KIFC3: variants seen among roughly 807,000 people sequenced by gnomAD.
KIFC3 encodes the protein kinesin-like protein KIFC3.
A neutral mutation model predicts 101.8 loss-of-function variants in KIFC3; 60 were observed. The observed-to-expected ratio is 0.59, with a 90% CI of 0.48 to 0.73. The LOEUF (loss-of-function observed/expected upper bound fraction) is 0.73. Among genes scored for constraint, KIFC3 ranks in the 30% least tolerant of loss-of-function variants. The pLI is 0.00. For missense variants in KIFC3, 966 were observed against 1,137.1 expected (o/e 0.85, Z 2.16); for synonymous variants, 476 against 482.7 (o/e 0.99, Z 0.18).
rs2049749979 is a variant in KIFC3 at position 57,760,757 on chromosome 16, C to T, written c.2201G>A (p.Ser734Asn). 1 of 1,613,758 alleles carries T rather than the reference C, an allele frequency of 6.2e-7. No homozygotes were observed. The highest frequency in any genetic ancestry group is 1.3e-5 in the African/African-American group (1 of 74,922). The change falls in exon 16 of 20, where the codon AGT becomes AAT. Residue 734 changes from serine (S) to asparagine (N), a missense_variant. Transcript: ENST00000445690. ...CACCATGAGGGTCTTGCTGTCACCA[C>T]TAAGCGAATCCTGCAGCAGGTAGGT... ...KLTYLLQDSL[S>N]GDSKTLMVVQ...
Position 57,795,006 on chromosome 16 carries a change from G to C in KIFC3, c.308C>G (p.Thr103Ser). 1 of 1,585,268 alleles carries C rather than the reference G, an allele frequency of 6.3e-7. No individual in the cohort carries two copies. Among genetic ancestry groups the C allele is most frequent in the Middle Eastern group, 2.1e-4 (1 of 4,740 alleles). Residue 103 changes from threonine (T) to serine (S), a missense_variant, in exon 3 of 20, where the codon ACC (threonine) becomes AGC (serine). By Grantham distance (58) the Thr-to-Ser change is moderately conservative. This residue lies in a region of KIFC3 where 277 missense variants were observed against 252.5 expected (regional missense o/e 1.10). Transcript: ENST00000445690. Reference sequence around the variant, plus strand: ...GAAGGCCCCAGTGCTTACCTGCAGGGTCAGGTAGAGCCCGTGGGGGCTTCC... The same window carrying C: ...GAAGGCCCCAGTGCTTACCTGCAGGCTCAGGTAGAGCCCGTGGGGGCTTCC... ...GPGSPHGLYL[T>S]LQVEHLKEKL...
chr16:57,771,422 G>A lies in KIFC3; in HGVS notation c.541C>T (p.Arg181Cys), dbSNP rs782124911. The change falls in exon 6 of 20, where the codon CGT becomes TGT. Residue 181 changes from arginine (R) to cysteine (C), a missense_variant. Around this residue, in one of 2 missense-constraint regions of KIFC3, gnomAD observed 689 missense variants for 884.6 expected, o/e 0.78. Coordinates refer to ENST00000445690, the MANE Select transcript of KIFC3 (RefSeq NM_001130100.2). ...CEHSQESAQL[R>C]DKLSQLQLEM... Reference sequence around the variant, plus strand: ...AGCTGCAGCTGGGACAGCTTGTCACGGAGCTGGGCGCTCTCCTGCAGCCAT... The same window carrying A: ...AGCTGCAGCTGGGACAGCTTGTCACAGAGCTGGGCGCTCTCCTGCAGCCAT... 12 of 1,613,496 alleles carry A rather than the reference G, an allele frequency of 7.4e-6. No homozygotes were observed. Among genetic ancestry groups the A allele is most frequent in the Admixed American group, 5.0e-5 (3 of 60,018 alleles).
intron 1 of KIFC3, among the ~76,000 whole-genome samples, chr16:57,826,453 G>A (rs947632038): frequency 6.6e-6 from 1 of 152,050 alleles, no homozygotes; most frequent in African/African-American, 2.4e-5. Context: ...TCCTAAAAGT[G>A]GAACTGCCAG....
intron 3 of KIFC3, among the ~76,000 whole-genome samples, chr16:57,787,547 G>C (rs1555618323): frequency 6.6e-6 from 1 of 152,228 alleles, no homozygotes; most frequent in African/African-American, 2.4e-5. Flanking sequence ...GGGAGGACGG[G>C]AGGACAAGGT....
At position 57,789,143 on chromosome 16, in the gene KIFC3, G is replaced by A. The variant is rs1458485552; in HGVS notation, c.315+5856C>T. On this transcript the variant is annotated intron_variant, in intron 3 of 19. Coordinates refer to ENST00000445690, the MANE Select transcript of KIFC3 (RefSeq NM_001130100.2). ...TCCCATGCCAGCTGCTGCCACCCCA[G>A]GCACACAGCCCCGCATCTCCAGATG... Among the ~76,000 whole-genome samples, 3 of 152,202 alleles carry A rather than the reference G, an allele frequency of 2.0e-5. No homozygotes were observed. In the East Asian group the frequency reaches 5.8e-4, roughly 29 times the overall value.
intron 1 of KIFC3, among the ~76,000 whole-genome samples, chr16:57,823,642 G>C (rs1357417829): frequency 6.6e-6 from 1 of 152,152 alleles, no homozygotes; most frequent in Non-Finnish European, 1.5e-5. Flanking sequence ...GCCCAGGCTG[G>C]AGTGCAGTGG....
upstream of KIFC3, chr16:57,803,067 T>C: frequency 6.5e-7 from 1 of 1,534,278 alleles, no homozygotes; most frequent in Non-Finnish European, 8.7e-7. Flanking sequence ...ACCTACTCGC[T>C]GGCCAGGCCG....
At position 57,760,835 on chromosome 16, in the gene KIFC3, A is replaced by G. The variant is rs2148837119; in HGVS notation, c.2123T>C (p.Ile708Thr). Reference sequence around the variant, plus strand: ...GCCCTGGCGGGAGCGCAGGGCAGCAATGACGTCCCCCAGAGCCGACAGCGA... The same window carrying G: ...GCCCTGGCGGGAGCGCAGGGCAGCAGTGACGTCCCCCAGAGCCGACAGCGA... ...NKSLSALGDV[I>T]AALRSRQGHV... The change falls in exon 16 of 20, where the codon ATT (isoleucine) becomes ACT (threonine). Residue 708 changes from isoleucine (I) to threonine (T), a missense_variant. Physicochemically the swap from Ile to Thr is moderately conservative, Grantham distance 89. Around this residue, in one of 2 missense-constraint regions of KIFC3, gnomAD observed 689 missense variants for 884.6 expected, o/e 0.78. Transcript: ENST00000445690. 6.2e-7 allele frequency: 1 copy of G among 1,613,346 alleles called. No individual in the cohort carries two copies. The highest frequency in any genetic ancestry group is 8.5e-7 in the Non-Finnish European group (1 of 1,179,968).
intron 1 of KIFC3, among the ~76,000 whole-genome samples, chr16:57,857,408 T>A (rs970579210): frequency 2.0e-5 from 3 of 151,432 alleles, no homozygotes; most frequent in Admixed American, 2.0e-4. Flanking sequence ...TTTTTTTTTT[T>A]AATTATACTT....
rs1182930873 is a variant in KIFC3 at position 57,775,848 on chromosome 16, A to G, written c.316-3560T>C. The G allele has an allele frequency of 4.1e-6, 4 of 985,306 alleles. No homozygotes were observed. The African/African-American group carries it at 5.2e-5, about 13-fold the overall frequency. The allele number at this position is 985,306 out of a possible 1,614,324, so 61.0% of individuals were successfully genotyped here. A position where few individuals can be genotyped will look rare whatever the true frequency, so the allele number is the denominator to read the frequency against. ...GTCAATCCAGGGCTGAGGACGGACC[A>G]GGCTGGGGCTGTGCGACACTCCTCC... On this transcript the variant is annotated intron_variant, in intron 3 of 19. Transcript: ENST00000445690.
chr16:57,764,434 G>A (rs1179310113), intron 11 of KIFC3, 187 bp from the exon 12 acceptor site: 9 of 575,644 alleles, frequency 1.6e-5, no homozygotes, highest in Admixed American at 1.5e-4. Flanking sequence ...GTGGGCAACC[G>A]GGCCGCCCAA....
intron 1 of KIFC3, among the ~76,000 whole-genome samples, chr16:57,854,629 GAAA>G (rs59106449): frequency 2.3e-5 from 3 of 131,218 alleles, no homozygotes; most frequent in Non-Finnish European, 1.6e-5. Flanking sequence ...CTCCGTCTCA[GAAA>G]AAAAAAAAAA....
In KIFC3 at chr16:57,769,487, T is replaced by C; in HGVS notation, c.1218+108A>G. 1 of 1,402,746 alleles carries C rather than the reference T, an allele frequency of 7.1e-7. No homozygotes were observed. Among genetic ancestry groups the C allele is most frequent in the East Asian group, 2.3e-5 (1 of 43,380 alleles). 86.9% of individuals were successfully genotyped at this position (1,402,746 alleles called of 1,614,324 possible). A position where few individuals can be genotyped will look rare whatever the true frequency, so the allele number is the denominator to read the frequency against. On this transcript the variant is annotated intron_variant, in intron 9 of 19. Coordinates refer to ENST00000445690, the MANE Select transcript of KIFC3 (RefSeq NM_001130100.2). The surrounding 1 kb of genome is among the most constrained non-coding windows in gnomAD (Gnocchi z 4.3). ...TCATGGGGGGTGGGGCAGGGGCTGC[T>C]GTCTGAGCGGCTTTGTCTGAGCTTT...
intron 3 of KIFC3, among the ~76,000 whole-genome samples, chr16:57,784,205 C>T (rs922810767): frequency 6.6e-6 from 1 of 152,204 alleles, no homozygotes; most frequent in South Asian, 2.1e-4. Context: ...ACAAAAGGGG[C>T]GTGCACAAAT....
chr16:57,780,863 C>T (rs535933231), intron 3 of KIFC3, among the ~76,000 whole-genome samples: 1 of 151,714 alleles, frequency 6.6e-6, no homozygotes, highest in African/African-American at 2.4e-5. Flanking sequence ...TTAGTAGAGA[C>T]GGGGTTTCAC....
At chr16:57,785,331 G>A (rs575136215) in intron 3 of KIFC3, 8 of 328,410 alleles carry the variant, frequency 2.4e-5, no homozygotes, top group African/African-American at 8.8e-5. Flanking sequence ...ACCCTCCAGC[G>A]TATTCCAGGA....
intron 3 of KIFC3, chr16:57,774,648 G>C: frequency 3.7e-6 from 1 of 269,304 alleles, no homozygotes; most frequent in Non-Finnish European, 6.9e-6. Flanking sequence ...TCAGCCTCCC[G>C]AGTAGCTGGG....
At chr16:57,798,037 G>T in intron 2 of KIFC3, 35 bp downstream of exon 2, 1 of 1,567,706 alleles carries the variant, frequency 6.4e-7, no homozygotes, top group East Asian at 2.4e-5. Flanking sequence ...AGGAAGGAAG[G>T]GAAATAAAGA....
intron 3 of KIFC3, among the ~76,000 whole-genome samples, chr16:57,784,993 A>G (rs1219598238): frequency 2.0e-5 from 3 of 152,198 alleles, no homozygotes; most frequent in Admixed American, 6.5e-5. Context: ...CACTCAAACT[A>G]GCATCCACCT....
Sources: gnomAD v4.1 joint callset for allele counts (sites outside exome capture counted in the v4.1 genomes callset) on GRCh38, gnomAD v4.1.1 for gene constraint, gnomAD v4.1.1 regional missense constraint, Gnocchi (gnomAD v3.1) non-coding constraint, MANE v1.5 for transcripts, NCBI Gene and HGNC (gene_info 2026-07-23, HGNC 2026-07-21) for gene names.